The following PHKB variants were observed in gnomAD, a reference collection of about 807,000 sequenced individuals.
PHKB encodes phosphorylase b kinase regulatory subunit beta.
PHKB carries 122 observed loss-of-function variants against 152.1 expected under a neutral mutation model. The ratio of observed to expected loss-of-function variants is 0.80; its 90% CI spans 0.69 to 0.93. The LOEUF (loss-of-function observed/expected upper bound fraction) is 0.93. Among genes scored for constraint, PHKB ranks in the 40% least tolerant of loss-of-function variants. The probability of loss-of-function intolerance (pLI) is 0.00; values close to 1 mark genes in which losing one functional copy is unlikely to be tolerated. For missense variants in PHKB, 1,304 were observed against 1,328.4 expected, an observed-to-expected ratio of 0.98 and a Z score of 0.29; for synonymous variants, 436 against 464.9, an observed-to-expected ratio of 0.94 and a Z score of 0.80.
At chr16:47,663,340 TTA>T (rs1973476496) in intron 23 of PHKB, among the ~76,000 whole-genome samples, 1 of 152,222 alleles carries the variant, frequency 6.6e-6, no homozygotes. Context: ...CAATTGCTAA[TTA>T]TTTTACTATA....
intron 6 of PHKB, among the ~76,000 whole-genome samples, chr16:47,535,504 A>G (rs1970936298): frequency 6.6e-6 from 1 of 152,200 alleles, no homozygotes; most frequent in Admixed American, 6.5e-5. Flanking sequence ...GAGTTACTAT[A>G]CAGTTTGGTT....
chr16:47,514,506 G>T (rs1371888072), intron 5 of PHKB, among the ~76,000 whole-genome samples: 3 of 152,186 alleles, frequency 2.0e-5, no homozygotes, highest in Non-Finnish European at 4.4e-5. Flanking sequence ...ATGAGAGCAA[G>T]AATTCACCCT....
intron 5 of PHKB, among the ~76,000 whole-genome samples, chr16:47,512,096 C>T (rs577746816): frequency 2.0e-5 from 3 of 152,290 alleles, no homozygotes; most frequent in South Asian, 4.1e-4. Context: ...TCCTGCTGTG[C>T]GGCCCCATTC....
intron 13 of PHKB, among the ~76,000 whole-genome samples, chr16:47,600,274 A>T (rs1972198404): frequency 6.6e-6 from 1 of 152,178 alleles, no homozygotes; most frequent in South Asian, 2.1e-4. Context: ...AAATAAGTTA[A>T]TTATTCACAG....
intron 26 of PHKB, among the ~76,000 whole-genome samples, chr16:47,682,826 G>A (rs1029704776): frequency 2.0e-5 from 3 of 152,206 alleles, no homozygotes; most frequent in African/African-American, 7.2e-5. Flanking sequence ...TCCTTTGGAG[G>A]AGGAGAGGTG....
chr16:47,536,744 A>C (rs1453242283), intron 6 of PHKB, among the ~76,000 whole-genome samples: 2 of 152,212 alleles, frequency 1.3e-5, no homozygotes, highest in Non-Finnish European at 2.9e-5. Context: ...ATTGGATTTC[A>C]GAACTTGTGG....
intron 7 of PHKB, among the ~76,000 whole-genome samples, chr16:47,573,405 G>A (rs1971695742): frequency 6.6e-6 from 1 of 152,182 alleles, no homozygotes. Context: ...CGATCCGAGG[G>A]CAGTTCCCTG....
At chr16:47,463,025 G>C (rs559465763) in intron 1 of PHKB, 2 of 152,596 alleles carry the variant, frequency 1.3e-5, no homozygotes, top group African/African-American at 4.8e-5. Context: ...TAACGATGTG[G>C]CTATCTGGAT....
chr16:47,467,664 G>A (rs1001012464), intron 1 of PHKB, among the ~76,000 whole-genome samples: 2 of 152,048 alleles, frequency 1.3e-5, no homozygotes, highest in African/African-American at 4.8e-5. Context: ...TAACCCCCTT[G>A]GCATGAAGCT....
chr16:47,608,672 A>G (rs1490794635), intron 13 of PHKB, among the ~76,000 whole-genome samples: 1 of 152,230 alleles, frequency 6.6e-6, no homozygotes, highest in Non-Finnish European at 1.5e-5. Flanking sequence ...ACTGCACTCC[A>G]CCTGAGCAAC....
At chr16:47,551,324 C>G (rs1043236424) in intron 7 of PHKB, among the ~76,000 whole-genome samples, 1 of 152,160 alleles carries the variant, frequency 6.6e-6, no homozygotes, top group African/African-American at 2.4e-5. Flanking sequence ...GATTTTAGAT[C>G]TTTCCCACTT....
At chr16:47,682,842 C>A (rs1973888189) in intron 26 of PHKB, among the ~76,000 whole-genome samples, 1 of 152,170 alleles carries the variant, frequency 6.6e-6, no homozygotes, top group Non-Finnish European at 1.5e-5. Flanking sequence ...AGGTGCTCTG[C>A]TTTTTAGAGT....
chr16:47,691,147 G>A (rs1465462976), intron 27 of PHKB, among the ~76,000 whole-genome samples: 1 of 152,074 alleles, frequency 6.6e-6, no homozygotes, highest in African/African-American at 2.4e-5. Flanking sequence ...GGAAACATCA[G>A]ACCAACCCAA....
chr16:47,519,100 T>TA (rs1970644458), intron 6 of PHKB, among the ~76,000 whole-genome samples: 1 of 152,212 alleles, frequency 6.6e-6, no homozygotes, highest in African/African-American at 2.4e-5. Context: ...AGCCTTATAA[T>TA]AAAAATTGTG....
chr16:47,681,222 G>A (rs1251533002), intron 26 of PHKB, among the ~76,000 whole-genome samples: 1 of 151,908 alleles, frequency 6.6e-6, no homozygotes, highest in African/African-American at 2.4e-5. Flanking sequence ...GGTGTGGTGT[G>A]GTGTTGAAAA....
chr16:47,555,267 T>A (rs546135094), intron 7 of PHKB, among the ~76,000 whole-genome samples: 30 of 152,364 alleles, frequency 2.0e-4, no homozygotes, highest in African/African-American at 7.0e-4. Context: ...TTCACTTGTA[T>A]TTTTTGAAAC....
chr16:47,574,911 CTTT>C (rs1399429161), intron 7 of PHKB, among the ~76,000 whole-genome samples: 1 of 152,188 alleles, frequency 6.6e-6, no homozygotes, highest in African/African-American at 2.4e-5. Context: ...CAGCTATATT[CTTT>C]TTATTTCCTT....
At chr16:47,565,026 CT>C in intron 7 of PHKB, 1 of 360,586 alleles carries the variant, frequency 2.8e-6, no homozygotes, top group South Asian at 2.5e-5. Context: ...GTTTGATTTG[CT>C]CTCTAATGTT....
At position 47,650,523 on chromosome 16, in the gene PHKB, C is replaced by A. The variant is rs752317945; in HGVS notation, c.1798-21C>A. On this transcript the variant is annotated intron_variant, in intron 18 of 30. Coordinates refer to ENST00000323584, the MANE Select transcript of PHKB (RefSeq NM_000293.3). ...ATCTTAGATACTGTGCCATTACATC[C>A]TACCTCATTCTGTTTGACAGAATGC... The A allele has an allele frequency of 6.3e-6, 9 of 1,422,298 alleles. No homozygotes were observed. The East Asian group carries it at 1.8e-4, about 29-fold the overall frequency. 88.1% of individuals were successfully genotyped at this position (1,422,298 alleles called of 1,614,324 possible).
Sources: gnomAD v4.1 joint callset for allele counts (sites outside exome capture counted in the v4.1 genomes callset) on GRCh38, gnomAD v4.1.1 for gene constraint, MANE v1.5 for transcripts, NCBI Gene and HGNC (gene_info 2026-07-23, HGNC 2026-07-21) for gene names.